The following NPFFR1 variants were observed in gnomAD, a reference collection of about 807,000 sequenced individuals.
NPFFR1 encodes G-protein coupled receptor 147.
Under a neutral mutation model 12.7 loss-of-function variants are expected in NPFFR1, and 17 were observed. The ratio of observed to expected loss-of-function variants is 1.34; its 90% CI spans 0.92 to 2.01. NPFFR1 has a LOEUF of 2.01. Among genes scored for constraint, NPFFR1 ranks in the 30% most tolerant of loss-of-function variants. NPFFR1 has a pLI of 0.00. For synonymous variants in NPFFR1, 296 were observed against 264.5 expected (o/e 1.12, Z -1.16); for missense variants, 604 against 606.5 (o/e 1.00, Z 0.04).
Position 70,252,715 on chromosome 10 carries a change from G to T in NPFFR1, c.*2242C>A, listed in dbSNP as rs1187619324. 6.6e-6 allele frequency: 1 copy of T among 152,178 alleles called. No homozygotes were observed. Among genetic ancestry groups the T allele is most frequent in the African/African-American group, 2.4e-5 (1 of 41,438 alleles). 9.4% of individuals were successfully genotyped at this position (152,178 alleles called of 1,614,324 possible). A position where few individuals can be genotyped will look rare whatever the true frequency, so the allele number is the denominator to read the frequency against. ...AAATATGTTAATTGTAACCTTCAGCGAGAGCTGAAGGAGTTTTTTGGGCAG... is the reference window on the plus strand; with the variant it reads ...AAATATGTTAATTGTAACCTTCAGCTAGAGCTGAAGGAGTTTTTTGGGCAG... On this transcript the variant is annotated 3_prime_UTR_variant, in exon 4 of 4. Coordinates refer to ENST00000277942, the MANE Select transcript of NPFFR1 (RefSeq NM_022146.5).
Position 70,266,211 on chromosome 10 carries a change from A to G in NPFFR1, c.188T>C (p.Leu63Pro), listed in dbSNP as rs765790741. The G allele has an allele frequency of 3.7e-6, 6 of 1,614,072 alleles. No homozygotes were observed. Among genetic ancestry groups the G allele is most frequent in the Non-Finnish European group, 5.1e-6 (6 of 1,179,900 alleles). Reference sequence around the variant, plus strand: ...GTTCTTGAGCACGATGAAACAGACCAGGGTGTTGCCCACCATGCAGAGCAG... The same window carrying G: ...GTTCTTGAGCACGATGAAACAGACCGGGGTGTTGCCCACCATGCAGAGCAG... ...IFLLCMVGNT[L>P]VCFIVLKNRH... Residue 63 changes from leucine to proline, a missense_variant, in exon 2 of 4, where the codon CTG (leucine) becomes CCG (proline). Physicochemically the swap from Leu to Pro is moderately conservative, Grantham distance 98. Transcript: ENST00000277942.
In NPFFR1 at chr10:70,272,238, A is replaced by AAGAG. The variant is rs1564596717; in HGVS notation, c.8-5848_8-5847insCTCT. 1.4e-3 allele frequency among the ~76,000 whole-genome samples: 199 copies of AAGAG among 140,002 alleles called. 1 individual carries two copies. The highest frequency in any genetic ancestry group is 2.8e-3 in the African/African-American group (107 of 37,990). The allele number at this position is 140,002 out of a possible 152,430, so 91.8% of individuals were successfully genotyped here. Reference sequence around the variant, plus strand: ...AAAGAAAGAAAGAAAGAAAGAAAGAAAGAAAGAAGAAAGAAGAAAGAAAAT... The same window carrying AAGAG: ...AAAGAAAGAAAGAAAGAAAGAAAGAAAGAGAGAAAGAAGAAAGAAGAAAGAAAAT... On this transcript the variant is annotated intron_variant, in intron 1 of 3. Transcript: ENST00000277942.
intron 1 of NPFFR1, among the ~76,000 whole-genome samples, chr10:70,270,654 A>C (rs550563293): frequency 6.6e-6 from 1 of 152,256 alleles, no homozygotes; most frequent in East Asian, 1.9e-4. Context: ...GGAGGAGGAA[A>C]AACTCCTTCC....
intron 1 of NPFFR1, among the ~76,000 whole-genome samples, chr10:70,281,803 T>A (rs567433013): frequency 6.6e-6 from 1 of 152,230 alleles, no homozygotes; most frequent in Admixed American, 6.5e-5. Flanking sequence ...TTTATGGCTA[T>A]CTGGATGGTT....
intron 2 of NPFFR1, among the ~76,000 whole-genome samples, chr10:70,262,425 T>G (rs1301189532): frequency 6.6e-6 from 1 of 152,198 alleles, no homozygotes; most frequent in Non-Finnish European, 1.5e-5. Context: ...CAAAAAGAAC[T>G]GTATACAAAT....
intron 1 of NPFFR1, among the ~76,000 whole-genome samples, chr10:70,277,454 G>A (rs1840815583): frequency 6.6e-6 from 1 of 152,176 alleles, no homozygotes; most frequent in African/African-American, 2.4e-5. Context: ...AAAAGGACAG[G>A]GCACAGAGAC....
At chr10:70,278,375 T>C (rs1013810572) in intron 1 of NPFFR1, among the ~76,000 whole-genome samples, 3 of 149,030 alleles carry the variant, frequency 2.0e-5, no homozygotes, top group African/African-American at 7.4e-5. Context: ...AAGCCATTAA[T>C]TTTTTGAGAC....
At chr10:70,263,254 A>AT (rs1279194237) in intron 2 of NPFFR1, among the ~76,000 whole-genome samples, 1 of 152,210 alleles carries the variant, frequency 6.6e-6, no homozygotes, top group Non-Finnish European at 1.5e-5. Flanking sequence ...TAAATTATAT[A>AT]TTAACAAAAA....
chr10:70,262,029 C>T (rs970981774), intron 2 of NPFFR1, among the ~76,000 whole-genome samples: 1 of 152,028 alleles, frequency 6.6e-6, no homozygotes. Context: ...CTCATTGTAC[C>T]AAAGAAATAC....
At chr10:70,260,271 G>A (rs918823902) in intron 3 of NPFFR1, among the ~76,000 whole-genome samples, 3 of 152,262 alleles carry the variant, frequency 2.0e-5, no homozygotes, top group East Asian at 1.9e-4. Flanking sequence ...CAGCCATACC[G>A]TGACCCACCC....
At position 70,255,139 on chromosome 10, in the gene NPFFR1, G is replaced by T; in HGVS notation, c.1111C>A (p.Arg371=). The change falls in exon 4 of 4, where the codon CGG becomes AGG. Residue 371 remains arginine, a synonymous_variant. Transcript: ENST00000277942. This position sits in a 1 kb window ranked among gnomAD's most constrained non-coding sequence, Gnocchi z 4.2. The part of the protein sequence containing the change: ...SERPGGLLHR[R]VFVVVRPSDS... ...CTGGGCCGCACCACCACGAAGACCC[G>T]CCTGTGCAGAAGCCCGCCGGGCCGC... 1 of 1,531,228 alleles carries T rather than the reference G, an allele frequency of 6.5e-7. No individual in the cohort carries two copies. The highest frequency in any genetic ancestry group is 8.8e-7 in the Non-Finnish European group (1 of 1,140,910). The allele number at this position is 1,531,228 out of a possible 1,614,324, so 94.9% of individuals were successfully genotyped here. A position where few individuals can be genotyped will look rare whatever the true frequency, so the allele number is the denominator to read the frequency against.
chr10:70,258,459 A>T (rs1285151011), intron 3 of NPFFR1, among the ~76,000 whole-genome samples: 1 of 152,202 alleles, frequency 6.6e-6, no homozygotes, highest in African/African-American at 2.4e-5. Context: ...TTTTCATCTC[A>T]GTATTCCTAG....
chr10:70,255,017 C>T lies in NPFFR1; in HGVS notation c.1233G>A (p.Leu411=). 6.9e-7 allele frequency: 1 copy of T among 1,443,006 alleles called. No homozygotes were observed. The highest frequency in any genetic ancestry group is 9.0e-7 in the Non-Finnish European group (1 of 1,105,256). The allele number at this position is 1,443,006 out of a possible 1,614,324, so 89.4% of individuals were successfully genotyped here. A position where few individuals can be genotyped will look rare whatever the true frequency, so the allele number is the denominator to read the frequency against. Residue 411 remains leucine, a synonymous_variant, in exon 4 of 4, where the codon TTG becomes TTA. Transcript: ENST00000277942. The surrounding 1 kb of genome is among the most constrained non-coding windows in gnomAD (Gnocchi z 4.2). ...GGGAGCAGCCAGGCCCTTCCCTGGGCAAGCCGTGGTGAGCCACCCGCCCAT... is the reference window on the plus strand; with the variant it reads ...GGGAGCAGCCAGGCCCTTCCCTGGGTAAGCCGTGGTGAGCCACCCGCCCAT... The part of the protein sequence containing the change: ...LRNGRVAHHG[L]PREGPGCSHL...
At chr10:70,278,749 C>A (rs1041754645) in intron 1 of NPFFR1, among the ~76,000 whole-genome samples, 1 of 152,162 alleles carries the variant, frequency 6.6e-6, no homozygotes, top group African/African-American at 2.4e-5. Flanking sequence ...GAAACCCATT[C>A]TGGAAGAGGA....
intron 3 of NPFFR1, among the ~76,000 whole-genome samples, chr10:70,257,404 G>A (rs1173813230): frequency 1.3e-5 from 2 of 152,218 alleles, no homozygotes; most frequent in Non-Finnish European, 2.9e-5. Context: ...AGGTTTAAGG[G>A]ATCTAGGGCT....
rs746174229 is a variant in NPFFR1 at position 70,255,111 on chromosome 10, T to G, written c.1139A>C (p.Asp380Ala). The change falls in exon 4 of 4, where the codon GAC becomes GCC. Residue 380 changes from aspartate (D) to alanine (A), a missense_variant. Coordinates refer to ENST00000277942, the MANE Select transcript of NPFFR1 (RefSeq NM_022146.5). This position sits in a 1 kb window ranked among gnomAD's most constrained non-coding sequence, Gnocchi z 4.2. ...GCCCGACTCAGAGGGCAGCCCGGAG[T>G]CGCTGGGCCGCACCACCACGAAGAC... ...RRVFVVVRPSDSGLPSESGPS... is the reference protein window; with the variant it reads ...RRVFVVVRPSASGLPSESGPS... The G allele has an allele frequency of 2.6e-5, 38 of 1,488,528 alleles. No individual in the cohort carries two copies. In the South Asian group the frequency reaches 5.1e-4, roughly 20 times the overall value. The allele number at this position is 1,488,528 out of a possible 1,614,324, so 92.2% of individuals were successfully genotyped here.
At chr10:70,269,035 T>A (rs1476436483) in intron 1 of NPFFR1, among the ~76,000 whole-genome samples, 1 of 152,194 alleles carries the variant, frequency 6.6e-6, no homozygotes, top group Non-Finnish European at 1.5e-5. Flanking sequence ...AGTATGTTTG[T>A]CATATGGACT....
chr10:70,260,941 T>A lies in NPFFR1; in HGVS notation c.323-202A>T, dbSNP rs377318376. On this transcript the variant is annotated intron_variant, in intron 2 of 3. Transcript: ENST00000277942. ...CCATGGACAGTTCTCACTACAGTCA[T>A]CCCCTCGTTTATACAGTGCATTGGT... Among the ~76,000 whole-genome samples, 10 of 152,008 alleles carry A rather than the reference T, an allele frequency of 6.6e-5. No individual in the cohort carries two copies. In the East Asian group the frequency reaches 1.9e-3, roughly 29 times the overall value.
intron 1 of NPFFR1, among the ~76,000 whole-genome samples, chr10:70,273,946 G>A (rs1207096234): frequency 6.6e-6 from 1 of 152,092 alleles, no homozygotes; most frequent in African/African-American, 2.4e-5. Flanking sequence ...GATGGGCAGG[G>A]GTAGCACCAT....
Sources: gnomAD v4.1 joint callset for allele counts (sites outside exome capture counted in the v4.1 genomes callset) on GRCh38, gnomAD v4.1.1 for gene constraint, Gnocchi (gnomAD v3.1) non-coding constraint, MANE v1.5 for transcripts, NCBI Gene and HGNC (gene_info 2026-07-23, HGNC 2026-07-21) for gene names.